The following NRG1 variants were observed in gnomAD, a reference collection of about 807,000 sequenced individuals.
NRG1 encodes the protein neuregulin 1.
A neutral mutation model predicts 63.8 loss-of-function variants in NRG1; 18 were observed. The ratio of observed to expected loss-of-function variants is 0.28; its 90% CI spans 0.19 to 0.42. The LOEUF is 0.42. Ranked by LOEUF, NRG1 falls within the 10% of genes least tolerant of loss-of-function variation. The pLI, the probability that NRG1 is intolerant of heterozygous loss-of-function variation, is 1.00. For missense variants in NRG1, 762 were observed against 814.7 expected (o/e 0.94, Z 0.79); for synonymous variants, 302 against 301.3 (o/e 1.00, Z -0.02).
chr8:31,981,826 C>A (rs986669222), intron 1 of NRG1, among the ~76,000 whole-genome samples: 12 of 148,182 alleles, frequency 8.1e-5, no homozygotes, highest in Admixed American at 2.0e-4. Context: ...TAAGAGCTTA[C>A]AAAAAAAAAG....
At chr8:32,564,561 A>G (rs184055559) in intron 1 of NRG1, among the ~76,000 whole-genome samples, 1 of 152,236 alleles carries the variant, frequency 6.6e-6, no homozygotes. Flanking sequence ...CTTTATTCCT[A>G]TTACCTTGAG....
intron 1 of NRG1, among the ~76,000 whole-genome samples, chr8:32,451,685 GC>G: frequency 6.6e-6 from 1 of 152,286 alleles, no homozygotes; most frequent in East Asian, 1.9e-4. Context: ...GCCTCCTCAA[GC>G]TTTTTTGGCT....
At position 32,705,948 on chromosome 8, in the gene NRG1, T is replaced by A. The variant is rs117709592; in HGVS notation, c.503-22001T>A. 7.2e-5 allele frequency among the ~76,000 whole-genome samples: 11 copies of A among 152,358 alleles called. No individual in the cohort carries two copies. In the East Asian group the frequency reaches 2.1e-3, roughly 29 times the overall value. Reference sequence around the variant, plus strand: ...AAGGCTTCCCCATTTTATCTTTGACTATTTCTATAAATTTCTTTTTAAAAA... The same window carrying A: ...AAGGCTTCCCCATTTTATCTTTGACAATTTCTATAAATTTCTTTTTAAAAA... On this transcript the variant is annotated intron_variant, in intron 5 of 11. Transcript: ENST00000356819.
At chr8:32,412,399 CCTCTCTCTCT>C (rs36067415) in intron 1 of NRG1, among the ~76,000 whole-genome samples, 14 of 93,034 alleles carry the variant, frequency 1.5e-4, no homozygotes, top group Non-Finnish European at 2.3e-4. Context: ...CTCTCTCTCT[CCTCTCTCTCT>C]CTCTCTCTCT....
chr8:32,272,515 T>C (rs1851650706), intron 1 of NRG1, among the ~76,000 whole-genome samples: 1 of 152,146 alleles, frequency 6.6e-6, no homozygotes, highest in South Asian at 2.1e-4. Flanking sequence ...TCAGTTGCCT[T>C]GCCAGTCTCA....
chr8:31,844,346 C>G (rs1000729190), intron 1 of NRG1, among the ~76,000 whole-genome samples: 5 of 152,288 alleles, frequency 3.3e-5, no homozygotes, highest in Admixed American at 2.0e-4. Context: ...ATGGGCAGCT[C>G]TCTGAGATTT....
At chr8:31,722,708 A>G (rs1165497552) in intron 1 of NRG1, among the ~76,000 whole-genome samples, 1 of 152,168 alleles carries the variant, frequency 6.6e-6, no homozygotes, top group Admixed American at 6.6e-5. Context: ...ACAAATAACC[A>G]GACACATAGA....
intron 5 of NRG1, among the ~76,000 whole-genome samples, chr8:32,716,479 C>T (rs1167514828): frequency 2.0e-5 from 3 of 151,990 alleles, no homozygotes; most frequent in Non-Finnish European, 2.9e-5. Context: ...TTAAAAGAAG[C>T]AGGGGAAGAC....
intron 1 of NRG1, among the ~76,000 whole-genome samples, chr8:31,965,136 G>T (rs982937588): frequency 2.6e-5 from 4 of 151,120 alleles, no homozygotes; most frequent in African/African-American, 7.3e-5. Flanking sequence ...GTATTCCATG[G>T]CATATATATA....
chr8:32,140,939 T>TTC (rs147651599), intron 1 of NRG1, among the ~76,000 whole-genome samples: 25 of 149,454 alleles, frequency 1.7e-4, no homozygotes, highest in African/African-American at 4.1e-4. Context: ...TTTATGCACC[T>TTC]TCTCTCTCTC....
rs138252986 is a variant in NRG1 at position 32,110,455 on chromosome 8, C to A, written c.37+471024C>A. The stretch of plus-strand genomic sequence containing the variant: ...GAACACAGTGAGTAATTGAAATCAC[C>A]AGTTATTTTCTTCTGATTCATCTCT... On this transcript the variant is annotated intron_variant, in intron 1 of 10. Transcript: ENST00000519301. Among the ~76,000 whole-genome samples the A allele has an allele frequency of 1.7e-3, 253 of 152,076 alleles. 1 individual carries two copies. Among genetic ancestry groups the A allele is most frequent in the African/African-American group, 5.3e-3 (221 of 41,482 alleles).
chr8:32,188,494 G>T (rs1250837802), intron 1 of NRG1, among the ~76,000 whole-genome samples: 1 of 152,190 alleles, frequency 6.6e-6, no homozygotes, highest in Non-Finnish European at 1.5e-5. Flanking sequence ...ACATTGCATG[G>T]CGAAGGGGAA....
chr8:31,700,347 A>G (rs149968214), intron 1 of NRG1, among the ~76,000 whole-genome samples: 1 of 152,274 alleles, frequency 6.6e-6, no homozygotes, highest in Non-Finnish European at 1.5e-5. Flanking sequence ...TGCTTACATG[A>G]ACAAACCTTA....
At chr8:31,706,675 T>C (rs574460456) in intron 1 of NRG1, among the ~76,000 whole-genome samples, 1 of 152,346 alleles carries the variant, frequency 6.6e-6, no homozygotes, top group African/African-American at 2.4e-5. Context: ...TATATGAGAT[T>C]GTTCCTTTTT....
intron 1 of NRG1, among the ~76,000 whole-genome samples, chr8:32,093,090 T>G (rs998183154): frequency 6.6e-6 from 1 of 152,190 alleles, no homozygotes; most frequent in African/African-American, 2.4e-5. Context: ...TGTGTCTATG[T>G]AGAAAGAAGT....
At chr8:32,687,426 T>TCAGGG in intron 5 of NRG1, among the ~76,000 whole-genome samples, 1 of 152,050 alleles carries the variant, frequency 6.6e-6, no homozygotes, top group East Asian at 1.9e-4. Flanking sequence ...ATCCCAAAGG[T>TCAGGG]CAGGGGAAGA....
At chr8:32,295,217 A>G (rs575604538) in intron 1 of NRG1, among the ~76,000 whole-genome samples, 2 of 152,300 alleles carry the variant, frequency 1.3e-5, no homozygotes, top group South Asian at 4.1e-4. Context: ...AATTTCTCCA[A>G]ATAATGAAAT....
chr8:31,806,184 T>C (rs1822267590), intron 1 of NRG1, among the ~76,000 whole-genome samples: 2 of 152,206 alleles, frequency 1.3e-5, no homozygotes, highest in South Asian at 4.1e-4. Flanking sequence ...GATAATGATC[T>C]AGAGGTAGAA....
intron 1 of NRG1, among the ~76,000 whole-genome samples, chr8:32,462,289 A>C (rs543251942): frequency 6.6e-6 from 1 of 152,280 alleles, no homozygotes; most frequent in East Asian, 1.9e-4. Flanking sequence ...CAGTAGGTAA[A>C]ACTAATCTTA....
Sources: allele counts gnomAD v4.1 joint callset (sites outside exome capture counted in the v4.1 genomes callset), GRCh38; gene constraint gnomAD v4.1.1; transcripts MANE v1.5; gene names NCBI Gene and HGNC (gene_info 2026-07-23, HGNC 2026-07-21).